The following ATRN variants were observed in gnomAD, a reference collection of about 807,000 sequenced individuals.
The protein encoded by ATRN is attractin, also known as attractin-2.
A neutral mutation model predicts 178.7 loss-of-function variants in ATRN; 54 were observed. The ratio of observed to expected loss-of-function variants is 0.30; its 90% CI spans 0.24 to 0.38. The LOEUF is 0.38. ATRN is among the 10% of genes least tolerant of loss of function. The pLI, the probability that ATRN is intolerant of heterozygous loss-of-function variation, is 1.00. For synonymous variants in ATRN, 636 were observed against 663.0 expected (o/e 0.96, Z 0.63); for missense variants, 1,443 against 1,815.1 (o/e 0.79, Z 3.73).
intron 25 of ATRN, among the ~76,000 whole-genome samples, chr20:3,626,210 T>C (rs1034664775): frequency 3.6e-5 from 5 of 138,448 alleles, no homozygotes; most frequent in African/African-American, 1.4e-4. Flanking sequence ...CCATCCTGGG[T>C]GACAGAGTGA....
intron 25 of ATRN, among the ~76,000 whole-genome samples, chr20:3,631,591 T>TA (rs973161199): frequency 9.9e-5 from 15 of 152,078 alleles, no homozygotes; most frequent in Non-Finnish European, 2.2e-4. Flanking sequence ...GAGCAGCAAG[T>TA]AGAAGGGACT....
intron 4 of ATRN, 100 bp from the exon 5 acceptor site, chr20:3,547,184 C>T (rs1179931819): frequency 1.0e-6 from 1 of 959,536 alleles, no homozygotes; most frequent in Non-Finnish European, 1.6e-6. Context: ...TGTGAATGAA[C>T]TGAGACAGTG....
At chr20:3,614,162 T>C (rs2086806363) in intron 24 of ATRN, among the ~76,000 whole-genome samples, 1 of 152,202 alleles carries the variant, frequency 6.6e-6, no homozygotes, top group South Asian at 2.1e-4. Context: ...TGGGGCCGGT[T>C]GTGCCTGTTT....
intron 11 of ATRN, among the ~76,000 whole-genome samples, chr20:3,567,078 G>A (rs1024612834): frequency 6.6e-6 from 1 of 152,140 alleles, no homozygotes; most frequent in African/African-American, 2.4e-5. Context: ...ACATTTGACA[G>A]CTAGAGACTA....
At chr20:3,592,477 CA>C in intron 19 of ATRN, 2 of 982,974 alleles carry the variant, frequency 2.0e-6, no homozygotes, top group Non-Finnish European at 2.4e-6. Flanking sequence ...AGCAATAGGA[CA>C]TTTTATTATG....
At chr20:3,485,852 C>T (rs920801336) in intron 1 of ATRN, among the ~76,000 whole-genome samples, 2 of 151,760 alleles carry the variant, frequency 1.3e-5, no homozygotes, top group African/African-American at 4.8e-5. Context: ...AAACTCCTGA[C>T]CTCATAATCC....
Position 3,627,457 on chromosome 20 carries a change from ATAAG to A in ATRN, c.3863+2886_3863+2889del, listed in dbSNP as rs1399255093. Among the ~76,000 whole-genome samples the A allele has an allele frequency of 2.0e-5, 3 of 152,256 alleles. No homozygotes were observed. In the South Asian group the frequency reaches 6.2e-4, roughly 31 times the overall value. ...AGAAGTAGAAGAAAGAAAAATATAA[ATAAG>A]AGCAAAAATTAATGATCTAAGGGAA... On this transcript the variant is annotated intron_variant, in intron 25 of 28. Coordinates refer to ENST00000262919, the MANE Select transcript of ATRN (RefSeq NM_139321.3).
chr20:3,573,814 G>A lies in ATRN; in HGVS notation c.2092+863G>A, dbSNP rs183912561. Reference sequence around the variant, plus strand: ...GACAGAGTCTCTGTCGCTCAGGCTGGAGTACAGCAGCGTGATCTCAGCTCA... The same window carrying A: ...GACAGAGTCTCTGTCGCTCAGGCTGAAGTACAGCAGCGTGATCTCAGCTCA... On this transcript the variant is annotated intron_variant, in intron 12 of 28. Transcript: ENST00000262919. 3.6e-4 allele frequency among the ~76,000 whole-genome samples: 55 copies of A among 151,598 alleles called. 1 individual carries two copies. The East Asian group carries it at 9.7e-3, about 27-fold the overall frequency.
At chr20:3,581,563 C>T (rs894469595) in intron 15 of ATRN, among the ~76,000 whole-genome samples, 3 of 152,120 alleles carry the variant, frequency 2.0e-5, no homozygotes, top group Non-Finnish European at 4.4e-5. Flanking sequence ...ATTATACTAA[C>T]CAGTTAAGCA....
At chr20:3,548,873 A>G (rs1473391388) in intron 5 of ATRN, among the ~76,000 whole-genome samples, 4 of 152,282 alleles carry the variant, frequency 2.6e-5, no homozygotes, top group African/African-American at 9.6e-5. Context: ...AAGATTTTTC[A>G]TGTGAGTTAA....
chr20:3,569,909 A>G (rs2086094980), intron 11 of ATRN, among the ~76,000 whole-genome samples: 1 of 152,012 alleles, frequency 6.6e-6, no homozygotes, highest in Middle Eastern at 3.2e-3. Flanking sequence ...CATCTCTACT[A>G]GAAATACAAA....
chr20:3,471,643 G>GGT, intron 1 of ATRN, 126 bp downstream of exon 1: 1 of 1,221,758 alleles, frequency 8.2e-7, no homozygotes, highest in Non-Finnish European at 1.1e-6. Flanking sequence ...CGCCCTATGG[G>GGT]GTTTGAGGGC....
intron 1 of ATRN, among the ~76,000 whole-genome samples, chr20:3,496,415 T>TA (rs1287528054): frequency 6.6e-6 from 1 of 151,974 alleles, no homozygotes; most frequent in Non-Finnish European, 1.5e-5. Context: ...ATGTACCCAG[T>TA]AGTCATTCAG....
chr20:3,583,511 A>C (rs191543037), intron 16 of ATRN, among the ~76,000 whole-genome samples: 194 of 152,304 alleles, frequency 1.3e-3, no homozygotes, highest in African/African-American at 3.8e-3. Context: ...GTCATCACCC[A>C]CATTTGAAAA....
chr20:3,502,798 AG>A (rs2084982362), intron 1 of ATRN, among the ~76,000 whole-genome samples: 1 of 152,182 alleles, frequency 6.6e-6, no homozygotes, highest in Admixed American at 6.5e-5. Context: ...CAGAGACACC[AG>A]GGTGGGCACT....
chr20:3,632,750 A>C lies in ATRN; in HGVS notation c.3864-1561A>C, dbSNP rs990661683. 6.6e-6 allele frequency among the ~76,000 whole-genome samples: 1 copy of C among 152,074 alleles called. No homozygotes were observed. Among genetic ancestry groups the C allele is most frequent in the African/African-American group, 2.4e-5 (1 of 41,418 alleles). The stretch of plus-strand genomic sequence containing the variant: ...GCTTATTTACTTACTGTTTGTCTCC[A>C]CCTGCTGGAATGTAAATTCCATGGG... On this transcript the variant is annotated intron_variant, in intron 25 of 28. Coordinates refer to ENST00000262919, the MANE Select transcript of ATRN (RefSeq NM_139321.3). The surrounding 1 kb of genome is among the most constrained non-coding windows in gnomAD (Gnocchi z 4.2).
At chr20:3,489,642 T>C in intron 1 of ATRN, 3 of 1,476,792 alleles carry the variant, frequency 2.0e-6, no homozygotes, top group Non-Finnish European at 2.8e-6. Flanking sequence ...TGAAGCCTTC[T>C]GCAATTTGAA....
chr20:3,562,738 G>A (rs1044186217), intron 9 of ATRN, among the ~76,000 whole-genome samples: 3 of 152,148 alleles, frequency 2.0e-5, no homozygotes, highest in Non-Finnish European at 4.4e-5. Context: ...ATTATAAAGC[G>A]ATGGTTTCTC....
At chr20:3,629,387 G>T (rs1049966010) in intron 25 of ATRN, 32 of 792,964 alleles carry the variant, frequency 4.0e-5, no homozygotes, top group Non-Finnish European at 4.9e-5. Flanking sequence ...AAAAGCACAA[G>T]CTCTTTCCCT....
Sources: allele counts gnomAD v4.1 joint callset (sites outside exome capture counted in the v4.1 genomes callset), GRCh38; gene constraint gnomAD v4.1.1; non-coding constraint Gnocchi (gnomAD v3.1); transcripts MANE v1.5; gene names NCBI Gene and HGNC (gene_info 2026-07-23, HGNC 2026-07-21).